Variants in COL6A6 observed in about 807,000 individuals in gnomAD.
COL6A6 encodes the protein collagen type VI alpha 6 chain, also known as collagen alpha-6(VI) chain.
Under a neutral mutation model 208.6 loss-of-function variants are expected in COL6A6, and 183 were observed. The ratio of observed to expected loss-of-function variants is 0.88; its 90% CI spans 0.78 to 0.99. COL6A6 has a LOEUF of 0.99. COL6A6 is among the 50% of genes least tolerant of loss of function. The pLI, the probability that COL6A6 is intolerant of heterozygous loss-of-function variation, is 0.00. For missense variants in COL6A6, 2,816 were observed against 2,815.2 expected (o/e 1.00, Z -0.01); for synonymous variants, 973 against 1,011.8 (o/e 0.96, Z 0.73).
At chr3:130,636,068 A>G (rs1440570117) in intron 28 of COL6A6, among the ~76,000 whole-genome samples, 5 of 152,238 alleles carry the variant, frequency 3.3e-5, no homozygotes, top group Non-Finnish European at 1.5e-5. Context: ...CACTGCCAAA[A>G]TGTAGTTAGT....
In COL6A6 at chr3:130,531,052, A is replaced by T. The variant is rs1171198963; in HGVS notation, c.-32+13655A>T. On this transcript the variant is annotated intron_variant, in intron 1 of 36. Coordinates refer to ENST00000358511, the MANE Select transcript of COL6A6 (RefSeq NM_001102608.3). ...CACACACACACAGACACACACACACACACACACAGTCTCTCTCTCTCTCTC... is the reference window on the plus strand; with the variant it reads ...CACACACACACAGACACACACACACTCACACACAGTCTCTCTCTCTCTCTC... 9.9e-3 allele frequency among the ~76,000 whole-genome samples: 848 copies of T among 85,872 alleles called. 12 individuals carry two copies. The highest frequency in any genetic ancestry group is 0.036 in the African/African-American group (764 of 21,268). The allele number at this position is 85,872 out of a possible 152,430, so 56.3% of individuals were successfully genotyped here.
At chr3:130,579,306 CT>C (rs371256618) in intron 8 of COL6A6, among the ~76,000 whole-genome samples, 1 of 152,168 alleles carries the variant, frequency 6.6e-6, no homozygotes, top group African/African-American at 2.4e-5. Flanking sequence ...CCAATTCACT[CT>C]TTTCTGTGCT....
rs553042569 is a variant in COL6A6 at position 130,637,415 on chromosome 3, C to T, written c.5091+1654C>T. 1.4e-4 allele frequency among the ~76,000 whole-genome samples: 21 copies of T among 151,894 alleles called. No homozygotes were observed. The East Asian group carries it at 1.8e-3, about 13-fold the overall frequency. On this transcript the variant is annotated intron_variant, in intron 28 of 36. Coordinates refer to ENST00000358511, the MANE Select transcript of COL6A6 (RefSeq NM_001102608.3). ...ATTATTCATTTTTAAAGACAATAAA[C>T]GAATGGGAAACATAAACTTTTTCTG...
intron 1 of COL6A6, among the ~76,000 whole-genome samples, chr3:130,545,809 G>C (rs111545225): frequency 6.6e-6 from 1 of 152,088 alleles, no homozygotes; most frequent in Non-Finnish European, 1.5e-5. Context: ...TTATGCGTTG[G>C]TGTACTTTTT....
At chr3:130,635,424 A>G (rs978896035) in intron 27 of COL6A6, among the ~76,000 whole-genome samples, 2 of 152,172 alleles carry the variant, frequency 1.3e-5, no homozygotes, top group Non-Finnish European at 2.9e-5. Flanking sequence ...GCCAGGTCCT[A>G]TGATAGAGTC....
Position 130,635,211 on chromosome 3 carries a change from G to A in COL6A6, c.5029-488G>A, listed in dbSNP as rs1219617071. On this transcript the variant is annotated intron_variant, in intron 27 of 36. Transcript: ENST00000358511. ...GATCTCTCCACTGCACTCCAGCTTG[G>A]GTGACACAGTGAGACTCTGTCTCCA... Among the ~76,000 whole-genome samples the A allele has an allele frequency of 9.9e-5, 15 of 152,112 alleles. No individual in the cohort carries two copies. In the East Asian group the frequency reaches 2.9e-3, roughly 29 times the overall value.
At chr3:130,543,274 T>A (rs560961503) in intron 1 of COL6A6, among the ~76,000 whole-genome samples, 1 of 152,230 alleles carries the variant, frequency 6.6e-6, no homozygotes, top group East Asian at 1.9e-4. Context: ...TAGTGAGATT[T>A]TGTTTTTTGA....
intron 17 of COL6A6, among the ~76,000 whole-genome samples, chr3:130,593,715 A>C (rs2063778728): frequency 6.6e-6 from 1 of 152,214 alleles, no homozygotes; most frequent in Non-Finnish European, 1.5e-5. Flanking sequence ...GTCATTGTAG[A>C]GTTACATGGC....
At chr3:130,570,436 GA>G (rs1450371675) in intron 6 of COL6A6, among the ~76,000 whole-genome samples, 1 of 152,006 alleles carries the variant, frequency 6.6e-6, no homozygotes, top group Non-Finnish European at 1.5e-5. Context: ...AAAATAAAAA[GA>G]AAAAAATTGT....
intron 31 of COL6A6, 125 bp downstream of exon 31, chr3:130,643,148 T>C: frequency 9.9e-7 from 1 of 1,006,900 alleles, no homozygotes; most frequent in South Asian, 1.4e-5. Context: ...ACTGCATGTA[T>C]TTTTGAGTCA....
Position 130,665,108 on chromosome 3 carries a change from T to C in COL6A6, c.6596+12T>C, listed in dbSNP as rs777125274. The C allele has an allele frequency of 5.1e-6, 8 of 1,567,758 alleles. No individual in the cohort carries two copies. In the East Asian group the frequency reaches 1.4e-4, roughly 27 times the overall value. On this transcript the variant is annotated intron_variant, in intron 36 of 36. Transcript: ENST00000358511. ...CGACCATTCCGAAGGTACTGTCTGT[T>C]TGGTGTTACTTGATAAATGAGAATG...
At chr3:130,593,368 C>T in intron 17 of COL6A6, 116 bp downstream of exon 17, 2 of 787,818 alleles carry the variant, frequency 2.5e-6, no homozygotes, top group Non-Finnish European at 4.3e-6. Context: ...AGTCATAAAA[C>T]CTCAATCACA....
rs553448455 is a variant in COL6A6 at position 130,641,670 on chromosome 3, G to A, written c.5110G>A (p.Gly1704Arg). The change falls in exon 29 of 37, where the codon GGA becomes AGA. Residue 1704 changes from glycine (G) to arginine (R), a missense_variant. Coordinates refer to ENST00000358511, the MANE Select transcript of COL6A6 (RefSeq NM_001102608.3). ...RGKMISAGLP[G>R]EMGSPGEPGP... is the part of the protein sequence containing the mutation. ...CTTTGAGATATCTGCTGGGCTTCCA[G>A]GAGAGATGGGATCCCCTGGGGAACC... 6.3e-7 allele frequency: 1 copy of A among 1,597,978 alleles called. No individual in the cohort carries two copies. The highest frequency in any genetic ancestry group is 1.7e-5 in the Admixed American group (1 of 59,808).
intron 13 of COL6A6, 118 bp downstream of exon 13, chr3:130,591,212 A>G (rs894029700): frequency 8.9e-6 from 7 of 782,524 alleles, no homozygotes; most frequent in Admixed American, 7.5e-5. Context: ...CGTGTACAGA[A>G]TCTCAGATCT....
Position 130,675,360 on chromosome 3 carries a change from GA to G in COL6A6, c.6757del (p.Arg2253GlyfsTer2). 1 of 1,596,238 alleles carries G rather than the reference GA, an allele frequency of 6.3e-7. No individual in the cohort carries two copies. The highest frequency in any genetic ancestry group is 1.7e-5 in the Admixed American group (1 of 57,492). Reference sequence around the variant, plus strand: ...AGCACCTCCCATACCTTTAAGAATGGAAGGATGATAGAAAGTGCTCCCAAAC... The same window carrying G: ...AGCACCTCCCATACCTTTAAGAATGGAGGATGATAGAAAGTGCTCCCAAAC... ...MRSTSHTFKN[G>X]RMIESAPKQH... On this transcript the variant is annotated frameshift_variant, in exon 37 of 37. Transcript: ENST00000358511. LOFTEE classifies it low-confidence loss of function (END_TRUNC).
chr3:130,542,575 C>G (rs11920595), intron 1 of COL6A6, among the ~76,000 whole-genome samples: 2 of 152,012 alleles, frequency 1.3e-5, no homozygotes, highest in African/African-American at 2.4e-5. Flanking sequence ...GCTATGTCCT[C>G]ACTGATTTTC....
chr3:130,642,771 A>G, intron 29 of COL6A6, 61 bp from the exon 30 acceptor site: 4 of 1,464,828 alleles, frequency 2.7e-6, no homozygotes, highest in Non-Finnish European at 3.8e-6. Context: ...ATGTTGGTGC[A>G]CACTGGCTAC....
chr3:130,553,184 G>A (rs765105868), intron 1 of COL6A6, among the ~76,000 whole-genome samples: 17 of 152,252 alleles, frequency 1.1e-4, no homozygotes, highest in Non-Finnish European at 2.1e-4. Flanking sequence ...GAATTTGAAC[G>A]TTGGCCTCTC....
At chr3:130,623,187 G>A (rs571701329) in intron 24 of COL6A6, among the ~76,000 whole-genome samples, 155 of 152,260 alleles carry the variant, frequency 1.0e-3, no homozygotes, top group Non-Finnish European at 1.8e-3. Context: ...GCTGTGCATG[G>A]TGGCTCACCC....
Sources: gnomAD v4.1 joint callset for allele counts (sites outside exome capture counted in the v4.1 genomes callset) on GRCh38, gnomAD v4.1.1 for gene constraint, MANE v1.5 for transcripts, NCBI Gene and HGNC (gene_info 2026-07-23, HGNC 2026-07-21) for gene names.